ATG5: variants seen among roughly 807,000 people sequenced by gnomAD.
The protein encoded by ATG5 is autophagy related 5.
In ATG5, 14 loss-of-function variants were observed where a neutral mutation model predicts 36.5. The ratio of observed to expected loss-of-function variants is 0.38; its 90% CI spans 0.25 to 0.60. The LOEUF (loss-of-function observed/expected upper bound fraction) is 0.60. Among genes scored for constraint, ATG5 ranks in the 20% least tolerant of loss-of-function variants. The pLI is 0.60. For synonymous variants in ATG5, 95 were observed against 101.5 expected (o/e 0.94, Z 0.38); for missense variants, 195 against 326.7 (o/e 0.60, Z 3.11).
chr6:106,199,165 C>A (rs1209602031), intron 7 of ATG5, among the ~76,000 whole-genome samples: 2 of 152,184 alleles, frequency 1.3e-5, no homozygotes, highest in Non-Finnish European at 2.9e-5. Flanking sequence ...TCAGTAGTTT[C>A]TTTTAAAATA....
intron 6 of ATG5, chr6:106,217,412 G>A (rs1234675594): frequency 6.6e-6 from 1 of 152,168 alleles, no homozygotes; most frequent in East Asian, 1.9e-4. Flanking sequence ...TGAAATAAAA[G>A]TATCAAATAT....
intron 6 of ATG5, among the ~76,000 whole-genome samples, chr6:106,208,558 G>A (rs186020733): frequency 1.4e-3 from 204 of 144,346 alleles, no homozygotes; most frequent in African/African-American, 4.8e-3. Flanking sequence ...ATATGGCAAG[G>A]AAAAAAAAAA....
chr6:106,222,093 C>T (rs559828110), intron 6 of ATG5, among the ~76,000 whole-genome samples: 5 of 152,058 alleles, frequency 3.3e-5, no homozygotes, highest in South Asian at 4.2e-4. Context: ...GGTTTCACCA[C>T]GTTAAACCAT....
rs371464219 is a variant in ATG5 at position 106,285,705 on chromosome 6, A to C, written c.316-5882T>G. Among the ~76,000 whole-genome samples, 6 of 152,372 alleles carry C rather than the reference A, an allele frequency of 3.9e-5. 1 individual carries two copies. The highest frequency in any genetic ancestry group is 1.4e-4 in the African/African-American group (6 of 41,586). The stretch of plus-strand genomic sequence containing the variant: ...TGTAGCCGCAAAGCAGTCATAGACA[A>C]TATGTATATGAATTTCCATGAGTGG... On this transcript the variant is annotated intron_variant, in intron 4 of 7. Coordinates refer to ENST00000369076, the MANE Select transcript of ATG5 (RefSeq NM_004849.4).
intron 5 of ATG5, among the ~76,000 whole-genome samples, chr6:106,255,109 C>A (rs1469159197): frequency 6.6e-6 from 1 of 152,230 alleles, no homozygotes; most frequent in Non-Finnish European, 1.5e-5. Context: ...CATCTCCAGC[C>A]ATATCATGTA....
intron 1 of ATG5, among the ~76,000 whole-genome samples, chr6:106,321,180 A>G (rs1771049992): frequency 6.6e-6 from 1 of 152,204 alleles, no homozygotes; most frequent in South Asian, 2.1e-4. Flanking sequence ...TGACTCTCAT[A>G]TTTGTAAAAT....
intron 6 of ATG5, among the ~76,000 whole-genome samples, chr6:106,234,068 G>C (rs1199129140): frequency 6.6e-6 from 1 of 152,120 alleles, no homozygotes; most frequent in African/African-American, 2.4e-5. Context: ...TGGAAGACTT[G>C]GAGCCACTGT....
At chr6:106,248,977 A>T (rs897888622) in intron 5 of ATG5, among the ~76,000 whole-genome samples, 1 of 152,220 alleles carries the variant, frequency 6.6e-6, no homozygotes, top group Non-Finnish European at 1.5e-5. Context: ...TACTGAACAC[A>T]GTAAACATTA....
intron 3 of ATG5, among the ~76,000 whole-genome samples, chr6:106,304,719 A>G (rs538854514): frequency 6.6e-6 from 1 of 152,316 alleles, no homozygotes; most frequent in South Asian, 2.1e-4. Flanking sequence ...TGTGAAATTA[A>G]ATATCTTATT....
chr6:106,274,713 T>C (rs1266125521), intron 5 of ATG5, among the ~76,000 whole-genome samples: 1 of 152,202 alleles, frequency 6.6e-6, no homozygotes, highest in Non-Finnish European at 1.5e-5. Flanking sequence ...GAAAAATTGT[T>C]AATATTATTT....
At chr6:106,232,996 C>T (rs1291163900) in intron 6 of ATG5, among the ~76,000 whole-genome samples, 1 of 152,140 alleles carries the variant, frequency 6.6e-6, no homozygotes. Flanking sequence ...AGGCATTAGC[C>T]CAAGACTTGA....
chr6:106,309,142 A>G (rs564147914), intron 2 of ATG5, among the ~76,000 whole-genome samples: 73 of 152,332 alleles, frequency 4.8e-4, no homozygotes, highest in African/African-American at 1.7e-3. Context: ...CCTCCTTTGC[A>G]GTAGACACTC....
At chr6:106,302,012 T>C (rs1770229564) in intron 3 of ATG5, among the ~76,000 whole-genome samples, 1 of 152,018 alleles carries the variant, frequency 6.6e-6, no homozygotes, top group Admixed American at 6.6e-5. Flanking sequence ...TAATAACCAT[T>C]ATGTTACAAT....
At chr6:106,228,772 G>A (rs925002082) in intron 6 of ATG5, among the ~76,000 whole-genome samples, 11 of 152,242 alleles carry the variant, frequency 7.2e-5, no homozygotes, top group South Asian at 2.1e-4. Flanking sequence ...CCTGTCGGCC[G>A]GTTAAAAACG....
rs180834394 is a variant in ATG5 at position 106,322,942 on chromosome 6, C to T, written c.-59+2584G>A. 4.7e-3 allele frequency among the ~76,000 whole-genome samples: 717 copies of T among 151,640 alleles called. 6 individuals carry two copies. The highest frequency in any genetic ancestry group is 5.9e-3 in the Non-Finnish European group (399 of 67,718). On this transcript the variant is annotated intron_variant, in intron 1 of 7. Coordinates refer to ENST00000369076, the MANE Select transcript of ATG5 (RefSeq NM_004849.4). Reference sequence around the variant, plus strand: ...TCATTTATTTTATTTTATTTTGAGACGGGGTCTCGCTCTGTCGCCCAGGCT... The same window carrying T: ...TCATTTATTTTATTTTATTTTGAGATGGGGTCTCGCTCTGTCGCCCAGGCT...
rs1349643836 is a variant in ATG5, at chr6:106,316,286, C to A, written c.-58-20G>T. ...GCCAAACTGAAAATAAAATGAAGAGCATTAGTCAGATCCTTGCAACGATGA... is the reference window on the plus strand; with the variant it reads ...GCCAAACTGAAAATAAAATGAAGAGAATTAGTCAGATCCTTGCAACGATGA... On this transcript the variant is annotated intron_variant, in intron 1 of 7. Coordinates refer to ENST00000369076, the MANE Select transcript of ATG5 (RefSeq NM_004849.4). 12 of 1,063,786 alleles carry A rather than the reference C, an allele frequency of 1.1e-5. No individual in the cohort carries two copies. The highest frequency in any genetic ancestry group is 1.6e-5 in the African/African-American group (1 of 62,266). 65.9% of individuals were successfully genotyped at this position (1,063,786 alleles called of 1,614,324 possible).
In ATG5 at chr6:106,283,174, T is replaced by C. The variant is rs1582650619; in HGVS notation, c.316-3351A>G. ...CAGTCATGGTGTGTACCATCCTTTTTAATTATTACGAGATTCAATTTGCTA... is the reference window on the plus strand; with the variant it reads ...CAGTCATGGTGTGTACCATCCTTTTCAATTATTACGAGATTCAATTTGCTA... On this transcript the variant is annotated intron_variant, in intron 4 of 7. Coordinates refer to ENST00000369076, the MANE Select transcript of ATG5 (RefSeq NM_004849.4). 3.9e-5 allele frequency among the ~76,000 whole-genome samples: 6 copies of C among 152,236 alleles called. No individual in the cohort carries two copies. In the South Asian group the frequency reaches 1.2e-3, roughly 32 times the overall value.
intron 6 of ATG5, among the ~76,000 whole-genome samples, chr6:106,245,886 T>C (rs1415130432): frequency 1.3e-5 from 2 of 152,068 alleles, no homozygotes; most frequent in African/African-American, 2.4e-5. Flanking sequence ...TAATCAGATA[T>C]AAAGAAGTCA....
At chr6:106,244,697 C>T (rs1226746330) in intron 6 of ATG5, among the ~76,000 whole-genome samples, 1 of 152,186 alleles carries the variant, frequency 6.6e-6, no homozygotes, top group Non-Finnish European at 1.5e-5. Flanking sequence ...CACCTTTAGA[C>T]TATAACCTTC....
Sources: gnomAD v4.1 joint callset for allele counts (sites outside exome capture counted in the v4.1 genomes callset) on GRCh38, gnomAD v4.1.1 for gene constraint, MANE v1.5 for transcripts, NCBI Gene and HGNC (gene_info 2026-07-23, HGNC 2026-07-21) for gene names.